PTPRB: variants seen among roughly 807,000 people sequenced by gnomAD.
The protein encoded by PTPRB is receptor-type tyrosine-protein phosphatase beta.
In PTPRB, 97 loss-of-function variants were observed where a neutral mutation model predicts 238.1. The ratio of observed to expected loss-of-function variants is 0.41; its 90% CI spans 0.35 to 0.48. The LOEUF is 0.48. Among genes scored for constraint, PTPRB ranks in the 20% least tolerant of loss-of-function variants. PTPRB has a pLI of 0.30. For missense variants in PTPRB, 2,292 were observed against 2,681.9 expected (o/e 0.85, Z 3.21); for synonymous variants, 970 against 995.4 (o/e 0.97, Z 0.48).
At chr12:70,559,745 T>C (rs532502674) in intron 17 of PTPRB, 121 bp from the exon 18 acceptor site, 3 of 965,110 alleles carry the variant, frequency 3.1e-6, no homozygotes, top group Non-Finnish European at 4.6e-6. Flanking sequence ...GATAATATGA[T>C]AATAATATAG....
chr12:70,567,533 C>A (rs1879460956), intron 14 of PTPRB, among the ~76,000 whole-genome samples: 1 of 152,158 alleles, frequency 6.6e-6, no homozygotes, highest in Non-Finnish European at 1.5e-5. Flanking sequence ...ATTTCTGTAT[C>A]CTAAATCTTC....
intron 1 of PTPRB, among the ~76,000 whole-genome samples, chr12:70,636,286 CT>C (rs75812781): frequency 0.011 from 1,575 of 141,668 alleles, 8 homozygotes; most frequent in African/African-American, 0.022. Context: ...AACTCCCCAT[CT>C]TTTTTTTTTT....
chr12:70,526,564 CTATTCTCTGCTT>C (rs1872474275), intron 32 of PTPRB, among the ~76,000 whole-genome samples: 1 of 152,310 alleles, frequency 6.6e-6, no homozygotes, highest in East Asian at 1.9e-4. Context: ...ATATTGATAA[CTATTCTCTGCTT>C]TTCTGCTCAC....
intron 5 of PTPRB, among the ~76,000 whole-genome samples, chr12:70,595,585 T>C (rs1055884019): frequency 1.3e-5 from 2 of 152,198 alleles, no homozygotes; most frequent in Non-Finnish European, 2.9e-5. Context: ...GGTGCACAGA[T>C]GCCTTATTTT....
intron 4 of PTPRB, among the ~76,000 whole-genome samples, chr12:70,602,110 T>C (rs1295677297): frequency 1.3e-5 from 2 of 152,182 alleles, no homozygotes; most frequent in African/African-American, 4.8e-5. Context: ...ATAATTTCTT[T>C]TACTTTGTTA....
Position 70,552,884 on chromosome 12 carries a change from C to T in PTPRB, c.5280G>A (p.Lys1760=). 6.2e-7 allele frequency: 1 copy of T among 1,613,958 alleles called. No homozygotes were observed. The highest frequency in any genetic ancestry group is 1.1e-5 in the South Asian group (1 of 91,074). Residue 1760 remains lysine, a synonymous_variant, in exon 21 of 34, where the codon AAG becomes AAA. Transcript: ENST00000334414. The part of the protein sequence containing the change: ...KCAENPNSNS[K]SFNIKLGAEM... ...CTGCTCCAAGCTTAATGTTAAAACTCTTGGAGTTGCTGTTAGGATTTTCGG... is the reference window on the plus strand; with the variant it reads ...CTGCTCCAAGCTTAATGTTAAAACTTTTGGAGTTGCTGTTAGGATTTTCGG...
At chr12:70,541,522 T>C (rs1399645354) in intron 22 of PTPRB, 2 of 152,248 alleles carry the variant, frequency 1.3e-5, no homozygotes, top group Non-Finnish European at 2.9e-5. Flanking sequence ...CAGTGGTCTT[T>C]AGTATAGTCA....
chr12:70,533,641 T>C (rs1048214780), intron 31 of PTPRB, among the ~76,000 whole-genome samples: 1 of 152,328 alleles, frequency 6.6e-6, no homozygotes, highest in Non-Finnish European at 1.5e-5. Context: ...ATGTTGAAAC[T>C]TAATCTTCAA....
Position 70,632,578 on chromosome 12 carries a change from T to TA in PTPRB, c.451+3092dup, listed in dbSNP as rs796891916. ...TGCACCCTAGAACTTAAAGTATAAT[T>TA]AAAAAAAAAAAAGGAATGAGTGCTT... On this transcript the variant is annotated intron_variant, in intron 2 of 33. Coordinates refer to ENST00000334414, the MANE Select transcript of PTPRB (RefSeq NM_001109754.4). Among the ~76,000 whole-genome samples, 634 of 141,324 alleles carry TA rather than the reference T, an allele frequency of 4.5e-3. 1 individual carries two copies. The highest frequency in any genetic ancestry group is 5.2e-3 in the Non-Finnish European group (333 of 64,304). 92.7% of individuals were successfully genotyped at this position (141,324 alleles called of 152,430 possible).
intron 4 of PTPRB, among the ~76,000 whole-genome samples, chr12:70,601,096 G>A (rs1040446956): frequency 6.6e-6 from 1 of 152,060 alleles, no homozygotes; most frequent in African/African-American, 2.4e-5. Flanking sequence ...TCGAACTCCT[G>A]ACCTCGTGAT....
intron 20 of PTPRB, 26 bp from the exon 21 acceptor site, chr12:70,553,046 G>A (rs769793302): frequency 1.2e-6 from 2 of 1,601,014 alleles, no homozygotes; most frequent in Non-Finnish European, 1.7e-6. Flanking sequence ...CACAGTTAAG[G>A]ACTGCCTTTC....
intron 2 of PTPRB, among the ~76,000 whole-genome samples, chr12:70,626,502 A>G (rs1243252987): frequency 6.6e-6 from 1 of 151,730 alleles, no homozygotes. Flanking sequence ...ACATATTAGG[A>G]AAAAAATGGA....
Position 70,520,174 on chromosome 12 carries a change from C to A in PTPRB, c.*1315G>T, listed in dbSNP as rs1871514804. 1 of 471,724 alleles carries A rather than the reference C, an allele frequency of 2.1e-6. No homozygotes were observed. Among genetic ancestry groups the A allele is most frequent in the South Asian group, 1.5e-5 (1 of 65,378 alleles). 29.2% of individuals were successfully genotyped at this position (471,724 alleles called of 1,614,324 possible). A position where few individuals can be genotyped will look rare whatever the true frequency, so the allele number is the denominator to read the frequency against. On this transcript the variant is annotated 3_prime_UTR_variant, in exon 34 of 34. Coordinates refer to ENST00000334414, the MANE Select transcript of PTPRB (RefSeq NM_001109754.4). ...CTCAGGTATCTATGAAGATTCCGTA[C>A]AAACTCCTTTCAAATTTTTCCCAGG...
intron 11 of PTPRB, 37 bp downstream of exon 11, chr12:70,576,345 G>C (rs1592516347): frequency 2.5e-6 from 4 of 1,597,302 alleles, no homozygotes; most frequent in African/African-American, 2.7e-5. Flanking sequence ...CATGTGAATT[G>C]GTTCTTACGG....
intron 22 of PTPRB, among the ~76,000 whole-genome samples, chr12:70,543,654 G>T (rs1280928950): frequency 6.6e-6 from 1 of 152,176 alleles, no homozygotes; most frequent in Non-Finnish European, 1.5e-5. Context: ...CAGACCTAGA[G>T]ATCAAGCATT....
chr12:70,528,302 C>T (rs1872692476), intron 32 of PTPRB, among the ~76,000 whole-genome samples: 1 of 152,134 alleles, frequency 6.6e-6, no homozygotes, highest in East Asian at 1.9e-4. Context: ...GAAGCTTGTA[C>T]CCAGGATGAG....
chr12:70,609,507 A>T (rs1884253956), intron 3 of PTPRB, among the ~76,000 whole-genome samples, 168 bp from the exon 4 acceptor site: 1 of 152,170 alleles, frequency 6.6e-6, no homozygotes, highest in Non-Finnish European at 1.5e-5. Flanking sequence ...GGGGAGGTGG[A>T]TGGCAACTTT....
intron 3 of PTPRB, among the ~76,000 whole-genome samples, chr12:70,611,788 A>T (rs1488542518): frequency 6.6e-6 from 1 of 151,890 alleles, no homozygotes; most frequent in Non-Finnish European, 1.5e-5. Context: ...GAACAAAAAA[A>T]CTCCCTATTT....
Position 70,622,398 on chromosome 12 carries a change from T to G in PTPRB, c.700A>C (p.Thr234Pro). The G allele has an allele frequency of 6.2e-7, 1 of 1,611,728 alleles. No homozygotes were observed. The highest frequency in any genetic ancestry group is 1.1e-5 in the South Asian group (1 of 90,982). ...ACACCCCCTCCTTTTACCTCTTCAG[T>G]GGTGCTGGAGAAGGGCTGAGTAGTC... ...LSTTQPFSST[T>P]EETGLAEPER... Residue 234 changes from threonine (T) to proline (P), a missense_variant, in exon 3 of 34, where the codon ACT becomes CCT. This residue lies in a region of PTPRB where 1,205 missense variants were observed against 1,287.8 expected (regional missense o/e 0.94). Transcript: ENST00000334414.
Sources: gnomAD v4.1 joint callset for allele counts (sites outside exome capture counted in the v4.1 genomes callset) on GRCh38, gnomAD v4.1.1 for gene constraint, gnomAD v4.1.1 regional missense constraint, MANE v1.5 for transcripts, NCBI Gene and HGNC (gene_info 2026-07-23, HGNC 2026-07-21) for gene names.